Variants in ZNF37A observed in about 807,000 individuals in gnomAD.
ZNF37A encodes the protein zinc finger protein 37A.
Under a neutral mutation model 12.3 loss-of-function variants are expected in ZNF37A, and 10 were observed. The observed-to-expected ratio is 0.82, with a 90% CI of 0.50 to 1.38. ZNF37A has a LOEUF of 1.38. Ranked by LOEUF, ZNF37A falls within the 40% of genes most tolerant of loss-of-function variation. The pLI, the probability that ZNF37A is intolerant of heterozygous loss-of-function variation, is 0.00. For missense variants in ZNF37A, 580 were observed against 651.2 expected (o/e 0.89, Z 1.19); for synonymous variants, 207 against 223.0 (o/e 0.93, Z 0.64).
Position 38,118,526 on chromosome 10 carries a change from A to T in ZNF37A, c.1375A>T (p.Arg459Ter). The change falls in exon 8 of 8, where the codon AGA becomes TGA. Residue 459 changes from arginine to a stop codon, truncating the protein, a stop_gained. Coordinates refer to ENST00000685332, the MANE Select transcript of ZNF37A (RefSeq NM_001324250.3). LOFTEE classifies it low-confidence loss of function (END_TRUNC). Reference sequence around the variant, plus strand: ...CTACTCCGGTTTCACAGAACATCTGAGAAGACACACAGGGGAGAAACCTTT... The same window carrying T: ...CTACTCCGGTTTCACAGAACATCTGTGAAGACACACAGGGGAGAAACCTTT... ...CYYSGFTEHL[R>*]RHTGEKPFGC... is the part of the protein sequence containing the mutation. The T allele has an allele frequency of 6.2e-7, 1 of 1,614,112 alleles. No homozygotes were observed. The highest frequency in any genetic ancestry group is 1.7e-5 in the Admixed American group (1 of 59,964).
rs149532004 is a variant in ZNF37A, at chr10:38,123,439, G to C, written c.*4602G>C. Reference sequence around the variant, plus strand: ...GGAAAAAGTTTTCCAAAACGTATATGGCAGAAATATGGGCCTTGATGTGAG... The same window carrying C: ...GGAAAAAGTTTTCCAAAACGTATATCGCAGAAATATGGGCCTTGATGTGAG... On this transcript the variant is annotated 3_prime_UTR_variant, in exon 8 of 8. Coordinates refer to ENST00000685332, the MANE Select transcript of ZNF37A (RefSeq NM_001324250.3). 23 of 152,092 alleles carry C rather than the reference G, an allele frequency of 1.5e-4. No individual in the cohort carries two copies. Among genetic ancestry groups the C allele is most frequent in the African/African-American group, 5.1e-4 (21 of 41,496 alleles). 9.4% of individuals were successfully genotyped at this position (152,092 alleles called of 1,614,324 possible). A position where few individuals can be genotyped will look rare whatever the true frequency, so the allele number is the denominator to read the frequency against.
In ZNF37A at chr10:38,118,214, TATGAATGTC is replaced by T. The variant is rs758873022; in HGVS notation, c.1072_1080del (p.His358_Cys360del). On this transcript the variant is annotated inframe_deletion, in exon 8 of 8. Transcript: ENST00000685332. ...AAGAACGCACACAGGGGAGAAACCATATGAATGTCATGAATGTGGGAAAACCTTCTCATT... is the reference window on the plus strand; with the variant it reads ...AAGAACGCACACAGGGGAGAAACCATATGAATGTGGGAAAACCTTCTCATT... The T allele has an allele frequency of 2.5e-6, 4 of 1,613,972 alleles. No individual in the cohort carries two copies. Among genetic ancestry groups the T allele is most frequent in the Non-Finnish European group, 3.4e-6 (4 of 1,179,938 alleles).
At chr10:38,104,342 C>G (rs1020181315) in intron 5 of ZNF37A, among the ~76,000 whole-genome samples, 2 of 152,138 alleles carry the variant, frequency 1.3e-5, no homozygotes, top group African/African-American at 4.8e-5. Context: ...TCTCTGAAAA[C>G]AAGGTGCATA....
At chr10:38,143,187 A>G (rs1315923474) in intron 7 of ZNF37A, 1 of 152,170 alleles carries the variant, frequency 6.6e-6, no homozygotes, top group Non-Finnish European at 1.5e-5. Context: ...CACTTGACCT[A>G]AGAGGTAAGG....
chr10:38,147,424 C>T (rs971957030), exon 8 of ZNF37A: 1 of 152,152 alleles, frequency 6.6e-6, no homozygotes, highest in African/African-American at 2.4e-5. Flanking sequence ...TGGACCACCT[C>T]TGAATGTGTG....
At chr10:38,096,184 C>CA (rs746328112) in intron 4 of ZNF37A, among the ~76,000 whole-genome samples, 5 of 151,882 alleles carry the variant, frequency 3.3e-5, no homozygotes, top group Non-Finnish European at 5.9e-5. Flanking sequence ...AACAAACAAA[C>CA]AAAAAAAACT....
At chr10:38,139,477 C>T (rs561063685) in intron 7 of ZNF37A, 1 of 152,170 alleles carries the variant, frequency 6.6e-6, no homozygotes, top group Non-Finnish European at 1.5e-5. Context: ...AAGTGATTCT[C>T]CTGCCTCAGC....
intron 7 of ZNF37A, among the ~76,000 whole-genome samples, chr10:38,134,877 T>C (rs948031392): frequency 1.3e-5 from 2 of 152,192 alleles, no homozygotes; most frequent in African/African-American, 4.8e-5. Flanking sequence ...TTGTTCCTGT[T>C]GCTTGTTTTT....
intron 5 of ZNF37A, among the ~76,000 whole-genome samples, chr10:38,100,035 T>G (rs2067435365): frequency 6.6e-6 from 1 of 152,090 alleles, no homozygotes; most frequent in African/African-American, 2.4e-5. Context: ...AGAGAGAAAT[T>G]GTAAAGCTGG....
chr10:38,112,402 A>G (rs2068763659), intron 5 of ZNF37A, among the ~76,000 whole-genome samples: 1 of 152,092 alleles, frequency 6.6e-6, no homozygotes, highest in Admixed American at 6.6e-5. Context: ...CATTAGTGGA[A>G]TGCTAAGCAT....
chr10:38,121,757 A>C lies in ZNF37A; in HGVS notation c.*2920A>C, dbSNP rs931120021. ...TAAATTGTTGTGTGTGCACATATGC[A>C]TATATTTTGTGTTCATTCTACTGAG... On this transcript the variant is annotated 3_prime_UTR_variant, in exon 8 of 8. Transcript: ENST00000685332. 2 of 152,214 alleles carry C rather than the reference A, an allele frequency of 1.3e-5. No individual in the cohort carries two copies. Among genetic ancestry groups the C allele is most frequent in the Non-Finnish European group, 2.9e-5 (2 of 68,044 alleles). 9.4% of individuals were successfully genotyped at this position (152,214 alleles called of 1,614,324 possible). A position where few individuals can be genotyped will look rare whatever the true frequency, so the allele number is the denominator to read the frequency against.
chr10:38,142,076 C>G (rs1011646457), intron 7 of ZNF37A: 18 of 152,234 alleles, frequency 1.2e-4, no homozygotes, highest in African/African-American at 3.6e-4. Context: ...CGCCACTACA[C>G]TCCAGCCTGG....
chr10:38,150,050 C>T (rs1258277362), exon 8 of ZNF37A: 1 of 152,254 alleles, frequency 6.6e-6, no homozygotes, highest in Non-Finnish European at 1.5e-5. Context: ...TGATAAGTTT[C>T]ACTGTGACTC....
chr10:38,134,631 T>C (rs1461720916), intron 7 of ZNF37A, among the ~76,000 whole-genome samples: 1 of 152,110 alleles, frequency 6.6e-6, no homozygotes, highest in Non-Finnish European at 1.5e-5. Context: ...TGGCAAATGT[T>C]ATTGCCTGAT....
At chr10:38,111,232 A>G (rs1018467047) in intron 5 of ZNF37A, among the ~76,000 whole-genome samples, 4 of 152,102 alleles carry the variant, frequency 2.6e-5, no homozygotes, top group African/African-American at 9.7e-5. Context: ...CTAACACAAG[A>G]ACAGAAAACC....
chr10:38,149,211 G>T (rs1204434078), exon 8 of ZNF37A: 1 of 152,138 alleles, frequency 6.6e-6, no homozygotes, highest in African/African-American at 2.4e-5. Context: ...TCAATAGGAT[G>T]CAACTGCTAT....
chr10:38,134,510 A>G (rs1366478129), intron 7 of ZNF37A, among the ~76,000 whole-genome samples: 1 of 152,174 alleles, frequency 6.6e-6, no homozygotes, highest in Non-Finnish European at 1.5e-5. Context: ...TTTCCTTCTA[A>G]CAGTCAGGAC....
At chr10:38,112,080 A>G (rs1439659595) in intron 5 of ZNF37A, among the ~76,000 whole-genome samples, 1 of 151,034 alleles carries the variant, frequency 6.6e-6, no homozygotes, top group Admixed American at 6.6e-5. Context: ...GTGTTCAGGT[A>G]CTGTTTTAAC....
chr10:38,136,892 G>A (rs1448381253), intron 7 of ZNF37A, among the ~76,000 whole-genome samples: 1 of 151,926 alleles, frequency 6.6e-6, no homozygotes, highest in East Asian at 1.9e-4. Flanking sequence ...CTTTCTTCAA[G>A]TGTATTTATT....
Sources: allele counts gnomAD v4.1 joint callset (sites outside exome capture counted in the v4.1 genomes callset), GRCh38; gene constraint gnomAD v4.1.1; transcripts MANE v1.5; gene names NCBI Gene and HGNC (gene_info 2026-07-23, HGNC 2026-07-21).